Variants in LGR5 observed in about 807,000 individuals in gnomAD.
The protein encoded by LGR5 is leucine rich repeat containing G protein-coupled receptor 5.
A neutral mutation model predicts 76.7 loss-of-function variants in LGR5; 54 were observed. The observed-to-expected ratio is 0.70, with a 90% confidence interval of 0.57 to 0.88. LGR5 has a LOEUF of 0.88. Ranked by LOEUF, LGR5 falls within the 40% of genes least tolerant of loss-of-function variation. LGR5 has a pLI of 0.00. For synonymous variants in LGR5, 406 were observed against 421.9 expected (o/e 0.96, Z 0.46); for missense variants, 1,078 against 1,073.3 (o/e 1.00, Z -0.06).
chr12:71,540,351 A>C (rs768123160), intron 4 of LGR5, among the ~76,000 whole-genome samples: 1 of 152,238 alleles, frequency 6.6e-6, no homozygotes, highest in Non-Finnish European at 1.5e-5. Context: ...CATAATCGCA[A>C]AGGTAATAGG....
intron 3 of LGR5, among the ~76,000 whole-genome samples, chr12:71,527,563 T>A (rs1220419095): frequency 6.6e-5 from 10 of 152,234 alleles, no homozygotes; most frequent in African/African-American, 2.2e-4. Flanking sequence ...CATATGATTG[T>A]ACTCCAAACA....
At position 71,583,715 on chromosome 12, in the gene LGR5, G is replaced by A. The variant is rs781103799; in HGVS notation, c.1705G>A (p.Val569Ile). ...LIRIGVWTIA[V>I]LALTCNALVT... ...CAGAATTGGAGTGTGGACCATAGCA[G>A]TTCTGGCACTTACTTGTAATGCTTT... The change falls in exon 18 of 18, where the codon GTT becomes ATT. Residue 569 changes from valine (V) to isoleucine (I), a missense_variant. Val to Ile is a conservative substitution (Grantham distance 29). Transcript: ENST00000266674. The A allele has an allele frequency of 6.2e-7, 1 of 1,614,042 alleles. No individual in the cohort carries two copies. The highest frequency in any genetic ancestry group is 8.5e-7 in the Non-Finnish European group (1 of 1,180,030).
chr12:71,527,871 C>T (rs970232569), intron 3 of LGR5, among the ~76,000 whole-genome samples: 3 of 152,132 alleles, frequency 2.0e-5, no homozygotes, highest in Non-Finnish European at 4.4e-5. Context: ...TTTGGTTGTC[C>T]AGATGATTGG....
rs192730720 is a variant in LGR5, at chr12:71,501,365, C to T, written c.213-3249C>T. Among the ~76,000 whole-genome samples, 433 of 152,242 alleles carry T rather than the reference C, an allele frequency of 2.8e-3. 2 individuals are homozygous for T. The highest frequency in any genetic ancestry group is 0.01 in the Middle Eastern group (3 of 294). On this transcript the variant is annotated intron_variant, in intron 1 of 17. Transcript: ENST00000266674. ...CTCGGTTCTAGGCCTGGCCTTTCCC[C>T]CTAAATATTGCACTGAAACTTAGAG...
intron 7 of LGR5, among the ~76,000 whole-genome samples, chr12:71,560,557 C>T (rs141114218): frequency 2.6e-5 from 4 of 152,164 alleles, no homozygotes; most frequent in South Asian, 2.1e-4. Flanking sequence ...TTTGGGAGGC[C>T]GAGGCAGGCA....
intron 17 of LGR5, 184 bp downstream of exon 17, chr12:71,582,723 A>G: frequency 1.8e-6 from 1 of 554,152 alleles, no homozygotes; most frequent in South Asian, 2.3e-5. Flanking sequence ...TCACTTGCCA[A>G]TAGGATTGAG....
chr12:71,525,509 C>G (rs1240980844), intron 3 of LGR5, among the ~76,000 whole-genome samples: 2 of 151,534 alleles, frequency 1.3e-5, no homozygotes, highest in African/African-American at 4.8e-5. Flanking sequence ...AGCACCAGCT[C>G]CGATGCATAT....
At chr12:71,552,100 G>A (rs1403635325) in intron 4 of LGR5, among the ~76,000 whole-genome samples, 5 of 151,956 alleles carry the variant, frequency 3.3e-5, no homozygotes. Flanking sequence ...GGGGGGCAAG[G>A]GGAGGGAGAG....
chr12:71,475,898 A>G (rs1359947898), intron 1 of LGR5, among the ~76,000 whole-genome samples: 1 of 152,200 alleles, frequency 6.6e-6, no homozygotes, highest in Non-Finnish European at 1.5e-5. Context: ...TTACTTAGAA[A>G]ATGAAGATCT....
intron 1 of LGR5, chr12:71,441,778 C>A (rs1871779631): frequency 6.6e-6 from 1 of 152,114 alleles, no homozygotes; most frequent in African/African-American, 2.4e-5. Flanking sequence ...ACCAGGTTTC[C>A]CTTCAATTGC....
At chr12:71,522,080 G>T (rs148881103) in intron 2 of LGR5, among the ~76,000 whole-genome samples, 147 of 152,286 alleles carry the variant, frequency 9.7e-4, no homozygotes, top group African/African-American at 2.9e-3. Flanking sequence ...GGGCTAGAGG[G>T]GGGAATGTGG....
intron 4 of LGR5, among the ~76,000 whole-genome samples, chr12:71,546,115 C>A (rs544469612): frequency 3.3e-5 from 5 of 152,138 alleles, no homozygotes; most frequent in African/African-American, 1.2e-4. Context: ...GAGTTCAAGA[C>A]CAGCCTGGCA....
At chr12:71,504,144 G>T (rs6582037) in intron 1 of LGR5, among the ~76,000 whole-genome samples, 116,752 of 151,376 alleles carry the variant, frequency 0.77, 45,688 homozygotes, top group African/African-American at 0.9. Flanking sequence ...TGTTGTTGTT[G>T]TTGTTTTAAA....
At chr12:71,456,620 G>A (rs1428311091) in intron 1 of LGR5, among the ~76,000 whole-genome samples, 2 of 152,056 alleles carry the variant, frequency 1.3e-5, no homozygotes, top group Non-Finnish European at 1.5e-5. Flanking sequence ...AGCTGCAGAG[G>A]GAGGTTTAAA....
intron 1 of LGR5, among the ~76,000 whole-genome samples, chr12:71,503,090 C>T (rs1401636285): frequency 1.3e-5 from 2 of 152,056 alleles, no homozygotes; most frequent in African/African-American, 4.8e-5. Flanking sequence ...AGTGAATATT[C>T]CTGAGAAATA....
intron 1 of LGR5, among the ~76,000 whole-genome samples, chr12:71,492,671 G>T (rs1265009724): frequency 6.6e-6 from 1 of 152,188 alleles, no homozygotes; most frequent in Non-Finnish European, 1.5e-5. Flanking sequence ...TTCTCTAACA[G>T]AGGAAGTTAG....
chr12:71,561,633 C>T, intron 7 of LGR5, 148 bp from the exon 8 acceptor site: 1 of 448,990 alleles, frequency 2.2e-6, no homozygotes, highest in Admixed American at 4.2e-5. Flanking sequence ...TAAATAACGG[C>T]ACCTAAGTTT....
chr12:71,523,705 T>G (rs1875836072), intron 2 of LGR5, among the ~76,000 whole-genome samples: 1 of 152,200 alleles, frequency 6.6e-6, no homozygotes, highest in Non-Finnish European at 1.5e-5. Flanking sequence ...GTTGGTCTTT[T>G]GCACAATTTT....
At chr12:71,519,579 G>A (rs115654825) in intron 2 of LGR5, among the ~76,000 whole-genome samples, 2,208 of 151,702 alleles carry the variant, frequency 0.015, 53 homozygotes, top group African/African-American at 0.05. Flanking sequence ...GCGGTGAATC[G>A]CTTGAGTTCA....
Sources: allele counts gnomAD v4.1 joint callset (sites outside exome capture counted in the v4.1 genomes callset), GRCh38; gene constraint gnomAD v4.1.1; transcripts MANE v1.5; gene names NCBI Gene and HGNC (gene_info 2026-07-23, HGNC 2026-07-21).